FRYL: variants seen among roughly 807,000 people sequenced by gnomAD.
The protein encoded by FRYL is protein furry homolog-like.
Under a neutral mutation model 351.2 loss-of-function variants are expected in FRYL, and 150 were observed. The observed-to-expected ratio is 0.43, with a 90% CI of 0.37 to 0.49. The LOEUF is 0.49. Among genes scored for constraint, FRYL ranks in the 20% least tolerant of loss-of-function variants. The pLI is 0.00. For missense variants in FRYL, 3,036 were observed against 3,619.3 expected (o/e 0.84, Z 4.13); for synonymous variants, 1,153 against 1,257.1 (o/e 0.92, Z 1.75).
At chr4:48,724,930 G>A (rs1769917720) in intron 1 of FRYL, among the ~76,000 whole-genome samples, 1 of 152,092 alleles carries the variant, frequency 6.6e-6, no homozygotes, top group Non-Finnish European at 1.5e-5. Flanking sequence ...ATTTGAAACT[G>A]TTTTTATTCC....
At position 48,567,279 on chromosome 4, in the gene FRYL, G is replaced by A; in HGVS notation, c.3138C>T (p.Ala1046=). 1 of 1,611,276 alleles carries A rather than the reference G, an allele frequency of 6.2e-7. No individual in the cohort carries two copies. The highest frequency in any genetic ancestry group is 8.5e-7 in the Non-Finnish European group (1 of 1,179,110). The change falls in exon 28 of 64, where the codon GCC becomes GCT. Residue 1046 remains alanine (A), a synonymous_variant. Coordinates refer to ENST00000358350, the MANE Select transcript of FRYL (RefSeq NM_015030.2). The surrounding 1 kb of genome is among the most constrained non-coding windows in gnomAD (Gnocchi z 4.2). The part of the protein sequence containing the change: ...TLKDIRCHFS[A]LVANIIQNVP... ...CATTCTGAATAATATTCGCCACTAAGGCACTAAAATGGCATCGTATATCCT... is the reference window on the plus strand; with the variant it reads ...CATTCTGAATAATATTCGCCACTAAAGCACTAAAATGGCATCGTATATCCT...
chr4:48,564,904 T>C, intron 30 of FRYL, 29 bp downstream of exon 30: 2 of 1,220,492 alleles, frequency 1.6e-6, no homozygotes, highest in Non-Finnish European at 2.4e-6. Flanking sequence ...CAACTTATTA[T>C]GAACCTTTAA....
At chr4:48,635,886 T>C (rs1161144059) in intron 3 of FRYL, among the ~76,000 whole-genome samples, 2 of 152,180 alleles carry the variant, frequency 1.3e-5, no homozygotes, top group African/African-American at 4.8e-5. Flanking sequence ...TTTGTGTCTA[T>C]GTGCACATAA....
At chr4:48,751,099 T>C (rs1773211345) in intron 1 of FRYL, among the ~76,000 whole-genome samples, 1 of 152,086 alleles carries the variant, frequency 6.6e-6, no homozygotes, top group African/African-American at 2.4e-5. Flanking sequence ...AGGCACAATA[T>C]CTGTTAGAAA....
intron 1 of FRYL, among the ~76,000 whole-genome samples, chr4:48,758,655 T>C (rs1029071793): frequency 3.9e-5 from 6 of 152,322 alleles, no homozygotes; most frequent in African/African-American, 1.4e-4. Flanking sequence ...AGTTCAACCA[T>C]TGTGGAAGAC....
chr4:48,565,373 T>C (rs2149077914), intron 29 of FRYL, among the ~76,000 whole-genome samples, 158 bp downstream of exon 29: 1 of 152,326 alleles, frequency 6.6e-6, no homozygotes, highest in Non-Finnish European at 1.5e-5. Context: ...TTTCATTGTA[T>C]TTTATGTATT....
chr4:48,758,905 A>T (rs1774110298), intron 1 of FRYL, among the ~76,000 whole-genome samples: 2 of 152,206 alleles, frequency 1.3e-5, no homozygotes, highest in East Asian at 3.9e-4. Context: ...GCAGCCATAA[A>T]AAAGGATGAG....
chr4:48,517,084 ATAG>A (rs1258009367), intron 55 of FRYL, among the ~76,000 whole-genome samples: 3 of 152,196 alleles, frequency 2.0e-5, no homozygotes, highest in African/African-American at 7.2e-5. Flanking sequence ...TAAATATAAT[ATAG>A]TAGGATTATT....
At chr4:48,612,567 ACTGTT>A (rs1369768245) in intron 7 of FRYL, among the ~76,000 whole-genome samples, 1 of 151,414 alleles carries the variant, frequency 6.6e-6, no homozygotes, top group African/African-American at 2.4e-5. Context: ...TATTGTTACA[ACTGTT>A]CTATTTTTAT....
chr4:48,572,441 T>C (rs1405324719), intron 26 of FRYL, among the ~76,000 whole-genome samples: 1 of 152,230 alleles, frequency 6.6e-6, no homozygotes, highest in Admixed American at 6.5e-5. Flanking sequence ...AAATTTGCAA[T>C]TTCAAAATTC....
chr4:48,758,372 A>G (rs1345583151), intron 1 of FRYL, among the ~76,000 whole-genome samples: 1 of 152,230 alleles, frequency 6.6e-6, no homozygotes, highest in African/African-American at 2.4e-5. Flanking sequence ...AAGAACTCAA[A>G]CAAATTTACA....
intron 41 of FRYL, 60 bp from the exon 42 acceptor site, chr4:48,546,331 T>C (rs188335678): frequency 4.2e-5 from 55 of 1,319,166 alleles, no homozygotes; most frequent in Admixed American, 5.4e-5. Flanking sequence ...AAAATACCTA[T>C]AGAATTAAAC....
At chr4:48,542,169 A>G in intron 44 of FRYL, 48 bp from the exon 45 acceptor site, 1 of 1,260,536 alleles carries the variant, frequency 7.9e-7, no homozygotes, top group Non-Finnish European at 1.2e-6. Context: ...TGGAATAAAG[A>G]AACTGCAATG....
At chr4:48,671,862 A>C (rs868661874) in intron 3 of FRYL, among the ~76,000 whole-genome samples, 40 of 117,344 alleles carry the variant, frequency 3.4e-4, no homozygotes, top group South Asian at 2.3e-3. Flanking sequence ...CAAAAACAAA[A>C]AAAAAAAAAA....
In FRYL at chr4:48,576,238, G is replaced by GA; in HGVS notation, c.2529-17dup. 1 of 1,526,426 alleles carries GA rather than the reference G, an allele frequency of 6.6e-7. No individual in the cohort carries two copies. Among genetic ancestry groups the GA allele is most frequent in the Non-Finnish European group, 8.8e-7 (1 of 1,132,244 alleles). The allele number at this position is 1,526,426 out of a possible 1,614,324, so 94.6% of individuals were successfully genotyped here. A position where few individuals can be genotyped will look rare whatever the true frequency, so the allele number is the denominator to read the frequency against. ...GATGGGGCTACTAAGGAAAAAAAAAGAAAAATAGGCAGATATGAATAACAC... is the reference window on the plus strand; with the variant it reads ...GATGGGGCTACTAAGGAAAAAAAAAGAAAAAATAGGCAGATATGAATAACAC... On this transcript the variant is annotated splice_polypyrimidine_tract_variant and intron_variant, in intron 23 of 63. Coordinates refer to ENST00000358350, the MANE Select transcript of FRYL (RefSeq NM_015030.2).
intron 19 of FRYL, among the ~76,000 whole-genome samples, chr4:48,583,914 A>G (rs1209297415): frequency 2.6e-5 from 4 of 151,890 alleles, no homozygotes. Context: ...CAAAAAAAAA[A>G]GAAAAAAAAA....
chr4:48,571,416 T>C (rs1738298915), intron 26 of FRYL, among the ~76,000 whole-genome samples: 1 of 152,236 alleles, frequency 6.6e-6, no homozygotes, highest in South Asian at 2.1e-4. Flanking sequence ...AATATGTTTG[T>C]ATTACTAGGT....
Position 48,579,039 on chromosome 4 carries a change from G to T in FRYL, c.2462C>A (p.Ala821Asp). ...TGCAAACATCCAAGCATAGCTCACA[G>T]CTGTAGAGCAGTGTTTAGGAAGATT... ...QENLPKHCST[A>D]VSYAWMFAYT... The change falls in exon 23 of 64, where the codon GCT becomes GAT. Residue 821 changes from alanine (A) to aspartate (D), a missense_variant. Physicochemically the swap from Ala to Asp is moderately radical, Grantham distance 126 (BLOSUM62 -2). Coordinates refer to ENST00000358350, the MANE Select transcript of FRYL (RefSeq NM_015030.2). 1 of 1,613,948 alleles carries T rather than the reference G, an allele frequency of 6.2e-7. No individual in the cohort carries two copies.
At chr4:48,761,458 G>C (rs1774413032) in intron 1 of FRYL, among the ~76,000 whole-genome samples, 1 of 152,128 alleles carries the variant, frequency 6.6e-6, no homozygotes. Context: ...AGGTAATGCT[G>C]ATATAAACAA....
Sources: allele counts gnomAD v4.1 joint callset (sites outside exome capture counted in the v4.1 genomes callset), GRCh38; gene constraint gnomAD v4.1.1; non-coding constraint Gnocchi (gnomAD v3.1); transcripts MANE v1.5; gene names NCBI Gene and HGNC (gene_info 2026-07-23, HGNC 2026-07-21).